MARCHF1: variants seen among roughly 807,000 people sequenced by gnomAD.
MARCHF1 encodes the protein E3 ubiquitin-protein ligase MARCHF1.
Under a neutral mutation model 54.2 loss-of-function variants are expected in MARCHF1, and 40 were observed. That is an observed-to-expected ratio of 0.74 (90% confidence interval 0.57 to 0.96). MARCHF1 has a LOEUF of 0.96. Among genes scored for constraint, MARCHF1 ranks in the 40% least tolerant of loss-of-function variants. The probability of loss-of-function intolerance (pLI) is 0.00; values close to 1 mark genes in which losing one functional copy is unlikely to be tolerated. For missense variants in MARCHF1, 586 were observed against 656.5 expected (o/e 0.89, Z 1.17); for synonymous variants, 236 against 236.3 (o/e 1.00, Z 0.01).
At chr4:163,765,755 T>C (rs1554011771) in intron 4 of MARCHF1, among the ~76,000 whole-genome samples, 1 of 151,400 alleles carries the variant, frequency 6.6e-6, no homozygotes, top group Non-Finnish European at 1.5e-5. Context: ...GGCTGTATCC[T>C]GAAATAACTT....
chr4:163,998,522 A>T lies in MARCHF1; in HGVS notation c.-247-9813T>A, dbSNP rs532187039. Among the ~76,000 whole-genome samples the T allele has an allele frequency of 7.2e-5, 11 of 151,768 alleles. No homozygotes were observed. The East Asian group carries it at 2.1e-3, about 29-fold the overall frequency. On this transcript the variant is annotated intron_variant, in intron 2 of 9. Transcript: ENST00000514618. Reference sequence around the variant, plus strand: ...TTTGTTGTAAGGAAAATTAAAATCTACTCTCAGCAATTTTCAAGAATACAA... The same window carrying T: ...TTTGTTGTAAGGAAAATTAAAATCTTCTCTCAGCAATTTTCAAGAATACAA...
At chr4:163,674,419 C>T (rs1386958150) in intron 5 of MARCHF1, among the ~76,000 whole-genome samples, 1 of 152,182 alleles carries the variant, frequency 6.6e-6, no homozygotes, top group East Asian at 1.9e-4. Context: ...CATCCTGGAG[C>T]TTGCAGCCTC....
At chr4:164,101,017 A>C (rs1327029288) in intron 2 of MARCHF1, among the ~76,000 whole-genome samples, 10 of 152,212 alleles carry the variant, frequency 6.6e-5, no homozygotes, top group Non-Finnish European at 1.5e-5. Context: ...CACCTGGAAA[A>C]TCAGGTCACT....
rs70952609 is a variant in MARCHF1 at position 164,199,681 on chromosome 4, C to CAGAGAGAG, written c.-322-88027_-322-88020dup. The stretch of plus-strand genomic sequence containing the variant: ...ACACACACACACACACACACACACA[C>CAGAGAGAG]AGAGAGAGAGAGAGAGAGAGAGAGA... On this transcript the variant is annotated intron_variant, in intron 1 of 9. Coordinates refer to ENST00000514618, the MANE Select transcript of MARCHF1 (RefSeq NM_001394959.1). Among the ~76,000 whole-genome samples the CAGAGAGAG allele has an allele frequency of 6.0e-3, 287 of 47,646 alleles. 4 individuals carry two copies. Among genetic ancestry groups the CAGAGAGAG allele is most frequent in the African/African-American group, 0.011 (125 of 11,862 alleles). 31.3% of individuals were successfully genotyped at this position (47,646 alleles called of 152,430 possible).
intron 2 of MARCHF1, among the ~76,000 whole-genome samples, chr4:164,034,812 C>A (rs1327803846): frequency 1.2e-4 from 18 of 152,064 alleles, no homozygotes; most frequent in Admixed American, 1.2e-3. Context: ...ACACTTTTTA[C>A]TTCTCTAAGT....
intron 1 of MARCHF1, among the ~76,000 whole-genome samples, chr4:164,301,182 T>C (rs897675207): frequency 6.6e-6 from 1 of 152,038 alleles, no homozygotes; most frequent in African/African-American, 2.4e-5. Flanking sequence ...ACCATGACTA[T>C]GTGAAAAAAT....
intron 1 of MARCHF1, among the ~76,000 whole-genome samples, chr4:164,149,763 T>G (rs1729881835): frequency 6.6e-6 from 1 of 152,146 alleles, no homozygotes; most frequent in Non-Finnish European, 1.5e-5. Flanking sequence ...AGCATACATT[T>G]TGGATGAATG....
At chr4:164,319,506 GAAGC>G (rs965267765) in intron 1 of MARCHF1, among the ~76,000 whole-genome samples, 35 of 152,076 alleles carry the variant, frequency 2.3e-4, no homozygotes, top group African/African-American at 6.0e-4. Context: ...CTTCGATGAA[GAAGC>G]AAGAACAATA....
At chr4:163,723,574 T>C (rs1346721462) in intron 4 of MARCHF1, among the ~76,000 whole-genome samples, 1 of 152,214 alleles carries the variant, frequency 6.6e-6, no homozygotes, top group African/African-American at 2.4e-5. Context: ...TTGGCCTGCC[T>C]TGCTAGGTTG....
At chr4:163,776,380 A>G (rs1747306106) in intron 4 of MARCHF1, among the ~76,000 whole-genome samples, 1 of 150,742 alleles carries the variant, frequency 6.6e-6, no homozygotes, top group South Asian at 2.1e-4. Context: ...TTTAATTTAT[A>G]AATAATAAAT....
intron 4 of MARCHF1, among the ~76,000 whole-genome samples, chr4:163,729,352 A>G (rs988707934): frequency 6.6e-6 from 1 of 152,098 alleles, no homozygotes; most frequent in East Asian, 1.9e-4. Context: ...ATTGTACAGA[A>G]TTCTTATAAT....
At chr4:164,203,504 C>T (rs1278988754) in intron 1 of MARCHF1, among the ~76,000 whole-genome samples, 1 of 152,004 alleles carries the variant, frequency 6.6e-6, no homozygotes, top group Non-Finnish European at 1.5e-5. Context: ...GTCTTTTGTT[C>T]GATTGCAGTC....
At chr4:164,267,447 G>C (rs182040285) in intron 1 of MARCHF1, among the ~76,000 whole-genome samples, 159 of 152,134 alleles carry the variant, frequency 1.0e-3, no homozygotes, top group African/African-American at 3.7e-3. Flanking sequence ...GCCAACTGGC[G>C]TGCTGTCAGT....
At chr4:163,676,185 CAAAA>C (rs869219643) in intron 5 of MARCHF1, among the ~76,000 whole-genome samples, 2,372 of 89,202 alleles carry the variant, frequency 0.027, 67 homozygotes, top group African/African-American at 0.099. Context: ...ACTAAAAATA[CAAAA>C]AAAAAAAAAA....
intron 5 of MARCHF1, among the ~76,000 whole-genome samples, chr4:163,617,149 G>A (rs544011461): frequency 7.9e-5 from 12 of 152,206 alleles, no homozygotes; most frequent in South Asian, 4.1e-4. Flanking sequence ...TAAAATAAGC[G>A]CAGAGGTAAG....
At position 163,908,147 on chromosome 4, in the gene MARCHF1, A is replaced by T. The variant is rs540251229; in HGVS notation, c.-38-53978T>A. ...TGGTAATATCCAGATAAAGAAGGTTAAAACTCAGACTATATTCTATCCACA... is the reference window on the plus strand; with the variant it reads ...TGGTAATATCCAGATAAAGAAGGTTTAAACTCAGACTATATTCTATCCACA... On this transcript the variant is annotated intron_variant, in intron 3 of 9. Transcript: ENST00000514618. 5.9e-5 allele frequency among the ~76,000 whole-genome samples: 9 copies of T among 152,312 alleles called. No individual in the cohort carries two copies. In the South Asian group the frequency reaches 1.9e-3, roughly 32 times the overall value.
intron 5 of MARCHF1, 155 bp from the exon 6 acceptor site, chr4:163,613,548 G>A: frequency 6.5e-7 from 1 of 1,543,098 alleles, no homozygotes; most frequent in Non-Finnish European, 8.7e-7. Flanking sequence ...GTTTGAGGTT[G>A]GTTTTGCAAA....
intron 4 of MARCHF1, among the ~76,000 whole-genome samples, chr4:163,844,621 T>C (rs1749434317): frequency 1.3e-5 from 2 of 152,176 alleles, no homozygotes. Context: ...CCAGGTAAAT[T>C]AATGAAGATA....
intron 3 of MARCHF1, among the ~76,000 whole-genome samples, chr4:163,923,385 T>C: frequency 6.6e-6 from 1 of 152,132 alleles, no homozygotes; most frequent in Non-Finnish European, 1.5e-5. Flanking sequence ...CTCTACAGGA[T>C]TTTCCTTTCT....
Sources: allele counts gnomAD v4.1 joint callset (sites outside exome capture counted in the v4.1 genomes callset), GRCh38; gene constraint gnomAD v4.1.1; transcripts MANE v1.5; gene names NCBI Gene and HGNC (gene_info 2026-07-23, HGNC 2026-07-21).